LRRC8D: variants seen among roughly 807,000 people sequenced by gnomAD.
LRRC8D encodes leucine rich repeat containing 8 VRAC subunit D.
Under a neutral mutation model 55.8 loss-of-function variants are expected in LRRC8D, and 20 were observed. The observed-to-expected ratio is 0.36, with a 90% confidence interval of 0.25 to 0.52. LRRC8D has a LOEUF of 0.52. Ranked by LOEUF, LRRC8D falls within the 20% of genes least tolerant of loss-of-function variation. The pLI is 0.93. For synonymous variants in LRRC8D, 352 were observed against 377.0 expected (o/e 0.93, Z 0.77); for missense variants, 651 against 1,030.8 (o/e 0.63, Z 5.05).
intron 2 of LRRC8D, among the ~76,000 whole-genome samples, chr1:89,881,450 T>C (rs931364283): frequency 2.0e-5 from 3 of 152,152 alleles, no homozygotes; most frequent in Non-Finnish European, 4.4e-5. Context: ...AGATTAGTGG[T>C]CATAAGTTTA....
At chr1:89,840,347 A>G (rs774518096) in intron 1 of LRRC8D, among the ~76,000 whole-genome samples, 6 of 152,216 alleles carry the variant, frequency 3.9e-5, no homozygotes, top group Non-Finnish European at 1.5e-5. Flanking sequence ...TTCAGGCCTC[A>G]TGGTAGTTAG....
chr1:89,916,833 G>T (rs1220450560), intron 2 of LRRC8D, among the ~76,000 whole-genome samples: 1 of 151,922 alleles, frequency 6.6e-6, no homozygotes, highest in Admixed American at 6.6e-5. Context: ...ATCCAATTTT[G>T]TGGAATTTTC....
At chr1:89,890,433 C>T (rs575390106) in intron 2 of LRRC8D, among the ~76,000 whole-genome samples, 1 of 152,288 alleles carries the variant, frequency 6.6e-6, no homozygotes, top group East Asian at 1.9e-4. Flanking sequence ...TAGCCCCAGG[C>T]TTTGTATGCT....
At chr1:89,862,664 C>T (rs186620927) in intron 2 of LRRC8D, among the ~76,000 whole-genome samples, 40 of 152,286 alleles carry the variant, frequency 2.6e-4, no homozygotes, top group African/African-American at 8.9e-4. Context: ...GCTTGAAATG[C>T]TTAAACAACT....
chr1:89,909,783 A>G (rs1160297636), intron 2 of LRRC8D, among the ~76,000 whole-genome samples: 2 of 151,442 alleles, frequency 1.3e-5, no homozygotes, highest in Non-Finnish European at 2.9e-5. Flanking sequence ...AGAGAATGGC[A>G]TGAACCCAGG....
chr1:89,837,784 A>G (rs549262381), intron 1 of LRRC8D, among the ~76,000 whole-genome samples: 9 of 152,308 alleles, frequency 5.9e-5, no homozygotes, highest in East Asian at 3.9e-4. Context: ...CTTTCGTGCT[A>G]TTTGCCTTGG....
intron 2 of LRRC8D, among the ~76,000 whole-genome samples, chr1:89,902,920 T>G (rs908835931): frequency 6.6e-6 from 1 of 152,250 alleles, no homozygotes; most frequent in Non-Finnish European, 1.5e-5. Flanking sequence ...TTTATTTTCA[T>G]AGTCTGGTTA....
At chr1:89,827,365 T>A (rs1196801941) in intron 1 of LRRC8D, among the ~76,000 whole-genome samples, 1 of 151,810 alleles carries the variant, frequency 6.6e-6, no homozygotes, top group African/African-American at 2.4e-5. Flanking sequence ...AAAAAAAGAT[T>A]TTGGGGAAAA....
At chr1:89,835,044 A>C (rs1660973118) in intron 1 of LRRC8D, among the ~76,000 whole-genome samples, 1 of 139,540 alleles carries the variant, frequency 7.2e-6, no homozygotes, top group African/African-American at 2.7e-5. Context: ...TGCCTTCAGC[A>C]ATTCTGGTGG....
intron 2 of LRRC8D, among the ~76,000 whole-genome samples, chr1:89,874,443 TTGTGTGTG>T (rs36202085): frequency 0.03 from 4,444 of 146,380 alleles, 207 homozygotes; most frequent in African/African-American, 0.11. Context: ...AAGAAACTAT[TTGTGTGTG>T]TGTGTGTGTG....
At chr1:89,844,439 C>T (rs1377202422) in intron 2 of LRRC8D, among the ~76,000 whole-genome samples, 2 of 152,122 alleles carry the variant, frequency 1.3e-5, no homozygotes. Context: ...GGCACAGCAG[C>T]GAGTTCTGAG....
intron 2 of LRRC8D, among the ~76,000 whole-genome samples, chr1:89,876,771 G>A (rs1662159610): frequency 6.6e-6 from 1 of 152,224 alleles, no homozygotes; most frequent in Non-Finnish European, 1.5e-5. Context: ...ATAGAGTCGA[G>A]TAGTTGTTAC....
chr1:89,909,433 A>G (rs1663075739), intron 2 of LRRC8D, among the ~76,000 whole-genome samples: 2 of 152,094 alleles, frequency 1.3e-5, no homozygotes, highest in South Asian at 4.2e-4. Context: ...CATAACTAAA[A>G]CCAATAGGTA....
chr1:89,849,271 T>A (rs1661353470), intron 2 of LRRC8D, among the ~76,000 whole-genome samples: 1 of 152,234 alleles, frequency 6.6e-6, no homozygotes, highest in Non-Finnish European at 1.5e-5. Flanking sequence ...TCAACATTTT[T>A]ATGAATATTT....
chr1:89,826,351 G>A (rs943444677), intron 1 of LRRC8D, among the ~76,000 whole-genome samples: 63 of 152,070 alleles, frequency 4.1e-4, no homozygotes, highest in Middle Eastern at 3.4e-3. Context: ...TGCAAGCTCC[G>A]CCTCCCGGGT....
At chr1:89,906,457 A>G (rs1570878795) in intron 2 of LRRC8D, among the ~76,000 whole-genome samples, 2 of 152,180 alleles carry the variant, frequency 1.3e-5, no homozygotes, top group South Asian at 2.1e-4. Flanking sequence ...AACAACCCCA[A>G]AATCCCACCC....
At chr1:89,835,069 G>A (rs1254112623) in intron 1 of LRRC8D, among the ~76,000 whole-genome samples, 1 of 11,362 alleles carries the variant, frequency 8.8e-5, no homozygotes, top group East Asian at 0.5. Context: ...ATGGGCTTTC[G>A]CCAGCACTAG....
chr1:89,920,609 A>G (rs924408447), intron 2 of LRRC8D, among the ~76,000 whole-genome samples: 3 of 151,896 alleles, frequency 2.0e-5, no homozygotes, highest in Non-Finnish European at 4.4e-5. Context: ...TTCTATATAG[A>G]ATTATATCAG....
chr1:89,868,509 A>ATAT (rs1355617456), intron 2 of LRRC8D, among the ~76,000 whole-genome samples: 8 of 152,166 alleles, frequency 5.3e-5, no homozygotes, highest in African/African-American at 1.4e-4. Context: ...ATTTATGTAA[A>ATAT]TATACCTCAG....
Sources: gnomAD v4.1 joint callset for allele counts (sites outside exome capture counted in the v4.1 genomes callset) on GRCh38, gnomAD v4.1.1 for gene constraint, MANE v1.5 for transcripts, NCBI Gene and HGNC (gene_info 2026-07-23, HGNC 2026-07-21) for gene names.